The following TMEM218 variants were observed in gnomAD, a reference collection of about 807,000 sequenced individuals.
The protein encoded by TMEM218 is transmembrane protein 218.
Under a neutral mutation model 10.0 loss-of-function variants are expected in TMEM218, and 8 were observed. The ratio of observed to expected loss-of-function variants is 0.80; its 90% CI spans 0.47 to 1.44. The LOEUF (loss-of-function observed/expected upper bound fraction) is 1.44. Among genes scored for constraint, TMEM218 ranks in the 40% most tolerant of loss-of-function variants. TMEM218 has a pLI of 0.00. For missense variants in TMEM218, 110 were observed against 140.1 expected (o/e 0.79, Z 1.08); for synonymous variants, 66 against 63.5 (o/e 1.04, Z -0.18).
At chr11:125,110,942 C>A (rs1358785120) in intron 1 of TMEM218, among the ~76,000 whole-genome samples, 1 of 151,500 alleles carries the variant, frequency 6.6e-6, no homozygotes, top group African/African-American at 2.4e-5. Flanking sequence ...ACGCCTCTAC[C>A]TTTGTAATTA....
At position 125,095,543 on chromosome 11, in the gene TMEM218, T is replaced by G. The variant is rs772706598; in HGVS notation, c.*2063A>C. ...GAGTATGCAGGTAGAAAGAAATCTA[T>G]CATTCATTTCACCACAGCTGGTAAT... is the stretch of plus-strand genomic sequence containing the variant. On this transcript the variant is annotated 3_prime_UTR_variant, in exon 5 of 5. Transcript: ENST00000682305. Among the ~76,000 whole-genome samples, 3 of 152,192 alleles carry G rather than the reference T, an allele frequency of 2.0e-5. No individual in the cohort carries two copies. The highest frequency in any genetic ancestry group is 2.9e-5 in the Non-Finnish European group (2 of 68,040).
chr11:125,102,068 G>A (rs1165337797), intron 3 of TMEM218, 64 bp downstream of exon 3: 56 of 1,453,416 alleles, frequency 3.9e-5, no homozygotes, highest in Non-Finnish European at 4.5e-5. Flanking sequence ...AATGTTTAGT[G>A]AGCATCAGCG....
At chr11:125,100,634 TGAGA>T (rs1179653195) in intron 4 of TMEM218, among the ~76,000 whole-genome samples, 1 of 152,174 alleles carries the variant, frequency 6.6e-6, no homozygotes, top group Non-Finnish European at 1.5e-5. Flanking sequence ...AGAAGGATTC[TGAGA>T]GAGATGATAA....
chr11:125,099,907 G>A (rs1950389776), intron 4 of TMEM218, among the ~76,000 whole-genome samples: 1 of 131,920 alleles, frequency 7.6e-6, no homozygotes, highest in Non-Finnish European at 1.6e-5. Flanking sequence ...CTGGCCGACA[G>A]AGCGAGACTG....
At chr11:125,098,614 T>C (rs900023519) in intron 4 of TMEM218, among the ~76,000 whole-genome samples, 4 of 152,160 alleles carry the variant, frequency 2.6e-5, no homozygotes, top group African/African-American at 9.7e-5. Flanking sequence ...TGAAAGGCAA[T>C]TGTGGCAGAC....
At chr11:125,106,390 A>T (rs1952152529) in intron 1 of TMEM218, among the ~76,000 whole-genome samples, 1 of 152,228 alleles carries the variant, frequency 6.6e-6, no homozygotes, top group Non-Finnish European at 1.5e-5. Flanking sequence ...AACCTGAAAC[A>T]AATGTGAACC....
At position 125,097,757 on chromosome 11, in the gene TMEM218, T is replaced by C. The variant is rs756381408; in HGVS notation, c.214-17A>G. On this transcript the variant is annotated splice_polypyrimidine_tract_variant and intron_variant, in intron 4 of 4. Coordinates refer to ENST00000682305, the MANE Select transcript of TMEM218 (RefSeq NM_001258244.2). ...ATCCACAATCTGGAGAAAGAAAACA[T>C]CAAAATGAAATTACTACCAGTTAGA... The C allele has an allele frequency of 9.3e-6, 15 of 1,611,638 alleles. No homozygotes were observed. The East Asian group carries it at 2.9e-4, about 31-fold the overall frequency.
At chr11:125,101,151 G>C (rs768288239) in intron 4 of TMEM218, 50 bp downstream of exon 4, 1 of 1,503,580 alleles carries the variant, frequency 6.7e-7, no homozygotes, top group Non-Finnish European at 9.2e-7. Context: ...TGCAGACCAA[G>C]AGAAATAAGA....
intron 1 of TMEM218, chr11:125,104,254 C>T (rs1951599039): frequency 6.6e-6 from 1 of 152,244 alleles, no homozygotes; most frequent in Non-Finnish European, 1.5e-5. Flanking sequence ...AGTCTGCCCT[C>T]ATTAGGGCCA....
chr11:125,110,708 T>C (rs1953648477), intron 1 of TMEM218: 1 of 152,100 alleles, frequency 6.6e-6, no homozygotes, highest in South Asian at 2.1e-4. Context: ...TGGAGGGAGA[T>C]ATCTCACCCA....
chr11:125,100,468 T>C (rs956089563), intron 4 of TMEM218, among the ~76,000 whole-genome samples: 1 of 152,208 alleles, frequency 6.6e-6, no homozygotes, highest in Non-Finnish European at 1.5e-5. Flanking sequence ...TAAAGAATGT[T>C]AGCTATTTTC....
At chr11:125,102,565 C>T in intron 2 of TMEM218, 169 bp downstream of exon 2, 1 of 1,352,650 alleles carries the variant, frequency 7.4e-7, no homozygotes, top group Non-Finnish European at 9.7e-7. Flanking sequence ...AATTTGGTAC[C>T]TGAGTTCTAC....
chr11:125,108,732 CA>C lies in TMEM218; in HGVS notation c.-153+2806del. Among the ~76,000 whole-genome samples the C allele has an allele frequency of 6.6e-6, 1 of 152,098 alleles. No individual in the cohort carries two copies. Among genetic ancestry groups the C allele is most frequent in the East Asian group, 1.9e-4 (1 of 5,182 alleles). On this transcript the variant is annotated intron_variant, in intron 1 of 4. Transcript: ENST00000682305. This position sits in a 1 kb window ranked among gnomAD's most constrained non-coding sequence, Gnocchi z 5.3. ...GAAATTTTACTATATTAAACTGTGC[CA>C]AAAAATACATTATGTTTATACAAAA...
chr11:125,100,572 C>T (rs1950545722), intron 4 of TMEM218, among the ~76,000 whole-genome samples: 1 of 152,106 alleles, frequency 6.6e-6, no homozygotes, highest in Admixed American at 6.5e-5. Flanking sequence ...TGTCAAGATC[C>T]CATGGGTCTG....
chr11:125,097,595 C>G lies in TMEM218; in HGVS notation c.*11G>C, dbSNP rs753659834. ...AAGGAGAGAACAGGTTTTCGTTTTCCTGAAGAGTGGTCAGTAGGAGTGCAG... is the reference window on the plus strand; with the variant it reads ...AAGGAGAGAACAGGTTTTCGTTTTCGTGAAGAGTGGTCAGTAGGAGTGCAG... On this transcript the variant is annotated 3_prime_UTR_variant, in exon 5 of 5. Coordinates refer to ENST00000682305, the MANE Select transcript of TMEM218 (RefSeq NM_001258244.2). The G allele has an allele frequency of 6.2e-7, 1 of 1,612,702 alleles. No homozygotes were observed. The highest frequency in any genetic ancestry group is 1.3e-5 in the African/African-American group (1 of 74,852).
At chr11:125,099,117 C>T (rs571311286) in intron 4 of TMEM218, among the ~76,000 whole-genome samples, 69 of 152,258 alleles carry the variant, frequency 4.5e-4, no homozygotes, top group Admixed American at 2.7e-3. Context: ...ACTAACACAG[C>T]GGCCATACAC....
At position 125,101,859 on chromosome 11, in the gene TMEM218, C is replaced by T. The variant is rs529320434; in HGVS notation, c.110+273G>A. ...CATAAATCTGAACAATTCATAAACA[C>T]ATACACATACAGCCTCAAGAAACTC... On this transcript the variant is annotated intron_variant, in intron 3 of 4. Coordinates refer to ENST00000682305, the MANE Select transcript of TMEM218 (RefSeq NM_001258244.2). The T allele has an allele frequency of 1.4e-4, 74 of 512,788 alleles. No homozygotes were observed. The East Asian group carries it at 2.4e-3, about 17-fold the overall frequency. 31.8% of individuals were successfully genotyped at this position (512,788 alleles called of 1,614,324 possible). A position where few individuals can be genotyped will look rare whatever the true frequency, so the allele number is the denominator to read the frequency against.
intron 1 of TMEM218, among the ~76,000 whole-genome samples, chr11:125,105,192 C>T (rs928018045): frequency 6.6e-6 from 1 of 152,144 alleles, no homozygotes; most frequent in Admixed American, 6.5e-5. Flanking sequence ...ATCTGAATCC[C>T]CACCTCACAT....
Position 125,097,608 on chromosome 11 carries a change from A to G in TMEM218, c.346T>C (p.Ter116ArgextTer35), listed in dbSNP as rs1317506505. 1.2e-6 allele frequency: 2 copies of G among 1,613,822 alleles called. No individual in the cohort carries two copies. The highest frequency in any genetic ancestry group is 1.7e-6 in the Non-Finnish European group (2 of 1,179,834). Residue 116 changes from the stop codon to arginine (R), a stop_lost, in exon 5 of 5, where the codon TGA (stop) becomes CGA (arginine). Transcript: ENST00000682305. ...PIYAKPLHSY[*>R] ...GTTTTCGTTTTCCTGAAGAGTGGTC[A>G]GTAGGAGTGCAGTGGTTTGGCATAG...
Sources: allele counts gnomAD v4.1 joint callset (sites outside exome capture counted in the v4.1 genomes callset), GRCh38; gene constraint gnomAD v4.1.1; non-coding constraint Gnocchi (gnomAD v3.1); transcripts MANE v1.5; gene names NCBI Gene and HGNC (gene_info 2026-07-23, HGNC 2026-07-21).